Variants in NEB observed in about 807,000 individuals in gnomAD.
The protein encoded by NEB is nebulin.
Under a neutral mutation model 952.2 loss-of-function variants are expected in NEB, and 512 were observed. The ratio of observed to expected loss-of-function variants is 0.54; its 90% confidence interval spans 0.50 to 0.58. The LOEUF is 0.58. NEB is among the 20% of genes least tolerant of loss of function. NEB has a pLI of 0.00. For missense variants in NEB, 8,428 were observed against 9,231.1 expected (o/e 0.91, Z 3.56); for synonymous variants, 2,900 against 3,149.8 (o/e 0.92, Z 2.66).
chr2:151,547,608 CCT>C, intron 132 of NEB, 24 bp downstream of exon 132: 1 of 1,609,176 alleles, frequency 6.2e-7, no homozygotes, highest in East Asian at 2.2e-5. Flanking sequence ...GTCTCTACTC[CCT>C]GTCTTTCCTA....
At chr2:151,500,021 C>G (rs2063220538) in intron 168 of NEB, among the ~76,000 whole-genome samples, 2 of 152,120 alleles carry the variant, frequency 1.3e-5, no homozygotes, top group African/African-American at 4.8e-5. Context: ...AATATACTTA[C>G]TGTAGTATAC....
In NEB at chr2:151,656,447, ATTGTAC is replaced by A. The variant is rs767681176; in HGVS notation, c.6195_6200del (p.Lys2065_Tyr2066del). ...CCATTTTCCCCTTCCCTTTTTCATA[ATTGTAC>A]TTGTATTTATACTGTGAAGAAAATA... is the stretch of plus-strand genomic sequence containing the variant. On this transcript the variant is annotated inframe_deletion, in exon 49 of 182. Coordinates refer to ENST00000397345, the MANE Select transcript of NEB (RefSeq NM_001164508.2). 23 of 1,611,340 alleles carry A rather than the reference ATTGTAC, an allele frequency of 1.4e-5. No individual in the cohort carries two copies. The highest frequency in any genetic ancestry group is 1.9e-5 in the Non-Finnish European group (22 of 1,178,220).
In NEB at chr2:151,609,862, G is replaced by T; in HGVS notation, c.12277C>A (p.Pro4093Thr). ...GCTTGGATAATGTCGTTTTGATCCG[G>T]CATGCATGTCCATTCATGCAGGTAA... ...RNYLHEWTCM[P>T]DQNDIIQAKK... The change falls in exon 81 of 182, where the codon CCG (proline) becomes ACG (threonine). Residue 4093 changes from proline (P) to threonine (T), a missense_variant. Physicochemically the swap from Pro to Thr is conservative, Grantham distance 38. Around this residue, in one of 11 missense-constraint regions of NEB, gnomAD observed 337 missense variants for 297.5 expected, o/e 1.13. Transcript: ENST00000397345. The T allele has an allele frequency of 1.9e-6, 3 of 1,610,230 alleles. No homozygotes were observed. Among genetic ancestry groups the T allele is most frequent in the Non-Finnish European group, 2.5e-6 (3 of 1,177,062 alleles).
chr2:151,677,819 T>C, intron 33 of NEB, 48 bp from the exon 34 acceptor site: 1 of 1,610,988 alleles, frequency 6.2e-7, no homozygotes, highest in Non-Finnish European at 8.5e-7. Flanking sequence ...CAGGGTTCTT[T>C]TCATGGCAGG....
intron 12 of NEB, 82 bp downstream of exon 12, chr2:151,709,574 A>G (rs952380759): frequency 6.5e-6 from 7 of 1,069,012 alleles, no homozygotes; most frequent in Non-Finnish European, 9.7e-6. Flanking sequence ...CCCCTTTTTT[A>G]CTAATTATAT....
At position 151,695,657 on chromosome 2, in the gene NEB, C is replaced by A; in HGVS notation, c.1595G>T (p.Ser532Ile). 6.2e-7 allele frequency: 1 copy of A among 1,613,690 alleles called. No homozygotes were observed. The highest frequency in any genetic ancestry group is 8.5e-7 in the Non-Finnish European group (1 of 1,179,732). Residue 532 changes from serine to isoleucine, a missense_variant, in exon 18 of 182, where the codon AGT becomes ATT. Ser to Ile is a moderately radical substitution (Grantham distance 142). Transcript: ENST00000397345. ...SDLNYKAKHESEKFKCHIPPD... is the reference protein window; with the variant it reads ...SDLNYKAKHEIEKFKCHIPPD... ...GGGGATATGGCACTTGAACTTTTCA[C>A]TTTCATGTTTTGCTTTGTAATTTAA...
At chr2:151,536,908 T>C (rs12996964) in intron 141 of NEB, among the ~76,000 whole-genome samples, 32,415 of 151,746 alleles carry the variant, frequency 0.21, 4,187 homozygotes, top group South Asian at 0.34. Flanking sequence ...TCATGAGGGG[T>C]TGAACAGAGT....
At chr2:151,548,108 C>T (rs186119279) in intron 131 of NEB, among the ~76,000 whole-genome samples, 200 bp downstream of exon 131, 10 of 152,126 alleles carry the variant, frequency 6.6e-5, no homozygotes, top group Admixed American at 2.0e-4. Flanking sequence ...TCTATGGAAC[C>T]GAGTCTCTCC....
intron 105 of NEB, among the ~76,000 whole-genome samples, chr2:151,577,070 C>A (rs1244171806): frequency 6.6e-6 from 1 of 152,180 alleles, no homozygotes; most frequent in East Asian, 1.9e-4. Flanking sequence ...ATTACCAATG[C>A]AGACTTTAAA....
chr2:151,732,201 T>C (rs1440400691), intron 3 of NEB, among the ~76,000 whole-genome samples: 2 of 152,168 alleles, frequency 1.3e-5, no homozygotes, highest in Non-Finnish European at 2.9e-5. Context: ...TTCATGTGTT[T>C]AGATCATCAT....
chr2:151,663,961 C>G, intron 44 of NEB, 102 bp from the exon 45 acceptor site: 1 of 1,209,946 alleles, frequency 8.3e-7, no homozygotes, highest in Non-Finnish European at 1.1e-6. Context: ...GGTTTTAGAG[C>G]TACTCTAAAA....
chr2:151,540,923 T>C, intron 136 of NEB, 122 bp from the exon 137 acceptor site: 1 of 791,164 alleles, frequency 1.3e-6, no homozygotes, highest in Admixed American at 2.3e-5. Context: ...GTCCTGATGT[T>C]TGTTTGCTTG....
At chr2:151,543,273 T>G (rs114457116) in intron 135 of NEB, among the ~76,000 whole-genome samples, 1 of 152,328 alleles carries the variant, frequency 6.6e-6, no homozygotes, top group African/African-American at 2.4e-5. Context: ...ATCATGGATA[T>G]AAATACCAGT....
In NEB at chr2:151,675,299, G is replaced by A. The variant is rs1010944283; in HGVS notation, c.3867C>T (p.Tyr1289=). 5.1e-6 allele frequency: 8 copies of A among 1,581,198 alleles called. No homozygotes were observed. Among genetic ancestry groups the A allele is most frequent in the Non-Finnish European group, 6.9e-6 (8 of 1,158,532 alleles). The change falls in exon 35 of 182, where the codon TAC becomes TAT. Residue 1289 remains tyrosine (Y), a synonymous_variant. Coordinates refer to ENST00000397345, the MANE Select transcript of NEB (RefSeq NM_001164508.2). ...AGACCCTACTTACGTCACTTATATTGTAAGCATTGCACTTGGCCTGGAGAA... is the reference window on the plus strand; with the variant it reads ...AGACCCTACTTACGTCACTTATATTATAAGCATTGCACTTGGCCTGGAGAA... ...PQFLQAKCNA[Y]NISDVCYKRD...
In NEB at chr2:151,688,292, A is replaced by G. The variant is rs566989836; in HGVS notation, c.2415T>C (p.Asp805=). 179 of 1,606,722 alleles carry G rather than the reference A, an allele frequency of 1.1e-4. No homozygotes were observed. The highest frequency in any genetic ancestry group is 3.3e-4 in the East Asian group (15 of 44,808). Residue 805 remains aspartate, a splice_region_variant and synonymous_variant, in exon 25 of 182, where the codon GAT becomes GAC. Transcript: ENST00000397345. ...AGGCTTCTGTGGCTTTGGTACTTAC[A>G]TCACTCAGATTATAGGCATTGACTC... ...QHRVNAYNLS[D]NVYKQDWEKS... is the part of the protein sequence containing the mutation.
At position 151,655,251 on chromosome 2, in the gene NEB, A is replaced by G; in HGVS notation, c.6807+19T>C. 7.3e-7 allele frequency: 1 copy of G among 1,375,516 alleles called. No individual in the cohort carries two copies. The highest frequency in any genetic ancestry group is 1.3e-5 in the South Asian group (1 of 76,784). 85.2% of individuals were successfully genotyped at this position (1,375,516 alleles called of 1,614,324 possible). ...AAGTTTCAATACAAAACTTAAAATT[A>G]ATTTTTATATAAATTTACCTGACTA... On this transcript the variant is annotated intron_variant, in intron 51 of 181. Transcript: ENST00000397345.
Position 151,723,433 on chromosome 2 carries a change from A to G in NEB, c.666T>C (p.Asn222=), listed in dbSNP as rs73007989. Reference sequence around the variant, plus strand: ...CAACTCTCCTCAGTTCCGGGCTATCATTATAGGGGTAAAACAAACTTTTGT... The same window carrying G: ...CAACTCTCCTCAGTTCCGGGCTATCGTTATAGGGGTAAAACAAACTTTTGT... The part of the protein sequence containing the change: ...EADKSLFYPY[N]DSPELRRVAQ... The change falls in exon 9 of 182, where the codon AAT becomes AAC. Residue 222 remains asparagine (N), a synonymous_variant. Coordinates refer to ENST00000397345, the MANE Select transcript of NEB (RefSeq NM_001164508.2). 1.9e-6 allele frequency: 3 copies of G among 1,610,632 alleles called. No homozygotes were observed. The African/African-American group carries it at 4.0e-5, about 21-fold the overall frequency.
chr2:151,555,022 T>C lies in NEB; in HGVS notation c.19337A>G (p.Glu6446Gly), dbSNP rs2153666324. ...TAACGTATAAAGAGCTTTGAACTTTTCATATTCTTCCCGATATTTGATCTA... is the reference window on the plus strand; with the variant it reads ...TAACGTATAAAGAGCTTTGAACTTTCCATATTCTTCCCGATATTTGATCTA... Reference protein sequence around the residue: ...ASHIKYREEYEKFKALYTLPR... With the variant: ...ASHIKYREEYGKFKALYTLPR... Residue 6446 changes from glutamate (E) to glycine (G), a missense_variant, in exon 125 of 182, where the codon GAA becomes GGA. By Grantham distance (98) the Glu-to-Gly change is moderately conservative. Around this residue, in one of 11 missense-constraint regions of NEB, gnomAD observed 3,374 missense variants for 3,651.5 expected, o/e 0.92. Coordinates refer to ENST00000397345, the MANE Select transcript of NEB (RefSeq NM_001164508.2). 1.2e-6 allele frequency: 2 copies of C among 1,611,504 alleles called. No homozygotes were observed.
In NEB at chr2:151,639,263, A is replaced by C. The variant is rs1251912155; in HGVS notation, c.8994+17T>G. The C allele has an allele frequency of 1.3e-5, 19 of 1,514,914 alleles. No individual in the cohort carries two copies. The highest frequency in any genetic ancestry group is 1.6e-5 in the Non-Finnish European group (18 of 1,126,144). 93.8% of individuals were successfully genotyped at this position (1,514,914 alleles called of 1,614,324 possible). ...AAATAAGCAGCAGTGTGCAAATGTC[A>C]AAGAATCTGCTCTCACCTCACTGTA... On this transcript the variant is annotated intron_variant, in intron 63 of 181. Coordinates refer to ENST00000397345, the MANE Select transcript of NEB (RefSeq NM_001164508.2).
Sources: allele counts gnomAD v4.1 joint callset (sites outside exome capture counted in the v4.1 genomes callset), GRCh38; gene constraint gnomAD v4.1.1; regional missense constraint gnomAD v4.1.1; transcripts MANE v1.5; gene names NCBI Gene and HGNC (gene_info 2026-07-23, HGNC 2026-07-21).